ANKFN1: variants seen among roughly 807,000 people sequenced by gnomAD.
The protein encoded by ANKFN1 is ankyrin repeat and fibronectin type III domain containing 1.
Under a neutral mutation model 108.7 loss-of-function variants are expected in ANKFN1, and 74 were observed. That is an observed-to-expected ratio of 0.68 (90% CI 0.56 to 0.83). ANKFN1 has a LOEUF of 0.83. ANKFN1 is among the 40% of genes least tolerant of loss of function. The pLI, the probability that ANKFN1 is intolerant of heterozygous loss-of-function variation, is 0.00. For missense variants in ANKFN1, 1,505 were observed against 1,382.3 expected, an observed-to-expected ratio of 1.09 and a Z score of -1.41; for synonymous variants, 547 against 516.2, an observed-to-expected ratio of 1.06 and a Z score of -0.81.
At chr17:56,105,616 CTCTG>C (rs749213250) in intron 4 of ANKFN1, among the ~76,000 whole-genome samples, 17 of 151,524 alleles carry the variant, frequency 1.1e-4, no homozygotes, top group African/African-American at 2.7e-4. Context: ...TTCTCTTCCT[CTCTG>C]TCTGTCATTT....
chr17:56,259,922 ACAC>A (rs1475473467), intron 3 of ANKFN1, among the ~76,000 whole-genome samples: 2 of 151,502 alleles, frequency 1.3e-5, no homozygotes, highest in African/African-American at 4.9e-5. Context: ...ACACACACAC[ACAC>A]ACACACACAC....
At chr17:56,184,211 G>T (rs757734545) in intron 1 of ANKFN1, among the ~76,000 whole-genome samples, 16 of 152,118 alleles carry the variant, frequency 1.1e-4, no homozygotes, top group South Asian at 4.1e-4. Flanking sequence ...GTCAATCAAT[G>T]TGGGTGAACT....
At chr17:56,497,191 T>G (rs1455972336) in intron 19 of ANKFN1, among the ~76,000 whole-genome samples, 4 of 152,090 alleles carry the variant, frequency 2.6e-5, no homozygotes, top group African/African-American at 9.7e-5. Context: ...ACTGGGAAAA[T>G]TCATCTGAGT....
At chr17:56,106,434 A>G (rs1905752656) in intron 4 of ANKFN1, among the ~76,000 whole-genome samples, 1 of 152,212 alleles carries the variant, frequency 6.6e-6, no homozygotes, top group Admixed American at 6.5e-5. Context: ...AGATCCCCTT[A>G]CCGATAAAAC....
intron 8 of ANKFN1, among the ~76,000 whole-genome samples, chr17:56,421,034 T>C (rs1428703411): frequency 6.6e-6 from 1 of 152,138 alleles, no homozygotes; most frequent in East Asian, 1.9e-4. Flanking sequence ...ATGAAAATAT[T>C]TGTGTGCTGG....
In ANKFN1 at chr17:56,511,257, C is replaced by T; in HGVS notation, c.3429C>T (p.Ser1143=). The change falls in exon 21 of 21, where the codon AGC becomes AGT. Residue 1143 remains serine (S), a synonymous_variant. Transcript: ENST00000682825. ...CCTCTCCCATGTCAGAAATACTCAG[C>T]AGCATGCTTTAGGGAGGCCCATCCC... ...PTASPMSEIL[S]SML 7 of 1,525,934 alleles carry T rather than the reference C, an allele frequency of 4.6e-6. No homozygotes were observed. The highest frequency in any genetic ancestry group is 6.1e-6 in the Non-Finnish European group (7 of 1,140,602). 94.5% of individuals were successfully genotyped at this position (1,525,934 alleles called of 1,614,324 possible). A position where few individuals can be genotyped will look rare whatever the true frequency, so the allele number is the denominator to read the frequency against.
In ANKFN1 at chr17:56,287,715, T is replaced by C. The variant is rs1386277121; in HGVS notation, c.54-38506T>C. Among the ~76,000 whole-genome samples the C allele has an allele frequency of 5.3e-5, 8 of 152,362 alleles. No individual in the cohort carries two copies. In the South Asian group the frequency reaches 8.3e-4, roughly 16 times the overall value. On this transcript the variant is annotated intron_variant, in intron 3 of 20. Coordinates refer to ENST00000682825, the MANE Select transcript of ANKFN1 (RefSeq NM_001370326.1). The stretch of plus-strand genomic sequence containing the variant: ...ATCTTTTTTCATAGCAAAATATTGT[T>C]CTTTTTCATAAGTTTGTAAATGAAA...
At chr17:56,468,153 C>T (rs12945850) in intron 15 of ANKFN1, among the ~76,000 whole-genome samples, 120,178 of 152,144 alleles carry the variant, frequency 0.79, 47,899 homozygotes, top group East Asian at 0.97. Flanking sequence ...GATTGCAAAT[C>T]AGGCTTCTTT....
At chr17:56,174,747 G>A (rs780566217) in intron 1 of ANKFN1, among the ~76,000 whole-genome samples, 16 of 152,136 alleles carry the variant, frequency 1.1e-4, no homozygotes, top group Non-Finnish European at 2.1e-4. Flanking sequence ...GATGAACAAA[G>A]ATTGATCTCC....
intron 4 of ANKFN1, among the ~76,000 whole-genome samples, chr17:56,063,734 T>G (rs911926238): frequency 6.6e-6 from 1 of 152,092 alleles, no homozygotes; most frequent in East Asian, 1.9e-4. Context: ...ACTCATCTTC[T>G]GAAGCCTACT....
chr17:56,332,957 A>G (rs1214088878), intron 4 of ANKFN1, among the ~76,000 whole-genome samples: 1 of 143,326 alleles, frequency 7.0e-6, no homozygotes, highest in African/African-American at 2.6e-5. Flanking sequence ...CCAATCCATG[A>G]ACAAGGTGTG....
At chr17:56,477,460 C>CT (rs373804237) in intron 15 of ANKFN1, 28 bp from the exon 16 acceptor site, 17,362 of 1,344,992 alleles carry the variant, frequency 0.013, 99 homozygotes, top group African/African-American at 0.065. Flanking sequence ...TTCTTGTTTT[C>CT]TTTTTTTTTT....
intron 3 of ANKFN1, among the ~76,000 whole-genome samples, chr17:56,281,516 A>G (rs1333136535): frequency 6.6e-6 from 1 of 152,210 alleles, no homozygotes; most frequent in Non-Finnish European, 1.5e-5. Flanking sequence ...CCATTAAAAA[A>G]GTACTTCATC....
At chr17:56,477,009 T>A (rs2050522688) in intron 15 of ANKFN1, among the ~76,000 whole-genome samples, 1 of 152,222 alleles carries the variant, frequency 6.6e-6, no homozygotes, top group African/African-American at 2.4e-5. Flanking sequence ...ACTATAAAAT[T>A]TGGATTCTAT....
At chr17:56,163,805 A>G (rs1049517755) in intron 1 of ANKFN1, among the ~76,000 whole-genome samples, 1 of 152,194 alleles carries the variant, frequency 6.6e-6, no homozygotes, top group African/African-American at 2.4e-5. Flanking sequence ...CAGACTTAGA[A>G]GACAATCTGA....
intron 10 of ANKFN1, among the ~76,000 whole-genome samples, chr17:56,447,632 G>A (rs1271196292): frequency 6.6e-6 from 1 of 152,130 alleles, no homozygotes; most frequent in Non-Finnish European, 1.5e-5. Flanking sequence ...AATCTCTGAG[G>A]CCCCTTTCTT....
intron 19 of ANKFN1, among the ~76,000 whole-genome samples, chr17:56,497,330 T>C (rs1476220577): frequency 1.3e-5 from 2 of 152,150 alleles, no homozygotes; most frequent in Non-Finnish European, 2.9e-5. Context: ...TAAAAAAGCC[T>C]GAAGCTCAAT....
intron 11 of ANKFN1, among the ~76,000 whole-genome samples, chr17:56,450,684 C>G (rs867039820): frequency 2.6e-4 from 40 of 152,276 alleles, no homozygotes; most frequent in African/African-American, 9.4e-4. Flanking sequence ...CATCCCTGCC[C>G]ATTGGTTCCT....
chr17:56,268,803 C>A (rs1438161121), intron 3 of ANKFN1, among the ~76,000 whole-genome samples: 1 of 152,002 alleles, frequency 6.6e-6, no homozygotes, highest in Admixed American at 6.5e-5. Flanking sequence ...TTCAACTCAT[C>A]TTCTTCCTAC....
Sources: gnomAD v4.1 joint callset for allele counts (sites outside exome capture counted in the v4.1 genomes callset) on GRCh38, gnomAD v4.1.1 for gene constraint, MANE v1.5 for transcripts, NCBI Gene and HGNC (gene_info 2026-07-23, HGNC 2026-07-21) for gene names.